The following TLCD4 variants were observed in gnomAD, a reference collection of about 807,000 sequenced individuals.
The protein encoded by TLCD4 is TLC domain-containing protein 4.
In TLCD4, 7 loss-of-function variants were observed where a neutral mutation model predicts 24.2. The ratio of observed to expected loss-of-function variants is 0.29; its 90% confidence interval spans 0.16 to 0.54. The LOEUF is 0.54. Among genes scored for constraint, TLCD4 ranks in the 20% least tolerant of loss-of-function variants. The pLI is 0.95. For missense variants in TLCD4, 259 were observed against 313.9 expected, an observed-to-expected ratio of 0.82 and a Z score of 1.32; for synonymous variants, 103 against 106.4, an observed-to-expected ratio of 0.97 and a Z score of 0.20.
chr1:95,168,485 A>C (rs2225108), intron 5 of TLCD4, among the ~76,000 whole-genome samples: 4 of 148,836 alleles, frequency 2.7e-5, no homozygotes, highest in Non-Finnish European at 4.5e-5. Context: ...ATTCTGTTCC[A>C]CTGATATCTT....
the TLCD4 span, among the ~76,000 whole-genome samples, chr1:95,110,253 C>T: frequency 2.5e-3 from 378 of 151,830 alleles, 3 homozygotes; most frequent in African/African-American, 8.6e-3. Context: ...TTGACTGATA[C>T]TTTCAGCCCC....
chr1:95,190,151 T>C (rs1392760590), intron 6 of TLCD4, among the ~76,000 whole-genome samples: 1 of 151,514 alleles, frequency 6.6e-6, no homozygotes, highest in Non-Finnish European at 1.5e-5. Flanking sequence ...TTGCCTAGGC[T>C]GGAGTGCAAT....
intron 1 of TLCD4, among the ~76,000 whole-genome samples, chr1:95,123,164 A>G (rs552435845): frequency 2.0e-5 from 3 of 152,356 alleles, no homozygotes; most frequent in Admixed American, 6.5e-5. Context: ...GCTCCATTAC[A>G]TGTAAAAATA....
At chr1:95,175,288 T>C (rs1678381327) in intron 6 of TLCD4, among the ~76,000 whole-genome samples, 1 of 152,204 alleles carries the variant, frequency 6.6e-6, no homozygotes, top group Admixed American at 6.5e-5. Context: ...AATGATACAG[T>C]GTTTATCCTT....
chr1:95,127,894 T>C (rs1676782565), intron 1 of TLCD4, among the ~76,000 whole-genome samples: 1 of 152,216 alleles, frequency 6.6e-6, no homozygotes, highest in African/African-American at 2.4e-5. Context: ...GCTGAAGGCA[T>C]TCTGATTTAT....
rs182286843 is a variant in TLCD4, at chr1:95,150,354, T to C, written c.304+88T>C. The C allele has an allele frequency of 5.6e-5, 85 of 1,510,660 alleles. No homozygotes were observed. In the Admixed American group the frequency reaches 9.8e-4, roughly 17 times the overall value. The allele number at this position is 1,510,660 out of a possible 1,614,324, so 93.6% of individuals were successfully genotyped here. ...ATATATAGTCTATGCTTTTGGTTTA[T>C]TTGAGAGATAGCATTTAGGAAGCAT... On this transcript the variant is annotated intron_variant, in intron 4 of 6. Transcript: ENST00000370203.
chr1:95,139,118 T>C (rs113525652), intron 1 of TLCD4, among the ~76,000 whole-genome samples: 12,775 of 139,834 alleles, frequency 0.091, 625 homozygotes, highest in African/African-American at 0.12. Flanking sequence ...GAGGTTATAG[T>C]GAGCTATGAT....
the TLCD4 span, among the ~76,000 whole-genome samples, chr1:95,109,914 T>C: frequency 1.7e-3 from 1 of 578 alleles, no homozygotes; most frequent in African/African-American, 0.02. Context: ...TGTGTATGCA[T>C]ATATATATAT....
rs200337389 is a variant in TLCD4 at position 95,139,455 on chromosome 1, A to ATTTTTTTTTTTTTT, written c.-11-4427_-11-4414dup. Among the ~76,000 whole-genome samples, 70 of 93,978 alleles carry ATTTTTTTTTTTTTT rather than the reference A, an allele frequency of 7.4e-4. 3 individuals carry two copies. The highest frequency in any genetic ancestry group is 1.0e-3 in the Non-Finnish European group (51 of 49,300). The allele number at this position is 93,978 out of a possible 152,430, so 61.7% of individuals were successfully genotyped here. A position where few individuals can be genotyped will look rare whatever the true frequency, so the allele number is the denominator to read the frequency against. The stretch of plus-strand genomic sequence containing the variant: ...ATAAACTTTTTTATTTAAACCTTTG[A>ATTTTTTTTTTTTTT]TTTTTTTTTTTTTTTTTTTTTTGAG... On this transcript the variant is annotated intron_variant, in intron 1 of 6. Coordinates refer to ENST00000370203, the MANE Select transcript of TLCD4 (RefSeq NM_152487.3).
chr1:95,095,544 C>T, the TLCD4 span, among the ~76,000 whole-genome samples: 9 of 151,928 alleles, frequency 5.9e-5, no homozygotes, highest in African/African-American at 2.2e-4. Flanking sequence ...ATTACAGGTG[C>T]CTGCCACCAA....
At chr1:95,139,455 A>ATTTTTTTTTTTTTTTTTT (rs200337389) in intron 1 of TLCD4, among the ~76,000 whole-genome samples, 13 of 93,990 alleles carry the variant, frequency 1.4e-4, no homozygotes, top group East Asian at 2.8e-4. Flanking sequence ...TAAACCTTTG[A>ATTTTTTTTTTTTTTTTTT]TTTTTTTTTT....
chr1:95,154,515 C>A (rs1447336352), intron 5 of TLCD4, among the ~76,000 whole-genome samples: 1 of 152,078 alleles, frequency 6.6e-6, no homozygotes, highest in African/African-American at 2.4e-5. Context: ...AGGCACACAG[C>A]AAGGAAATAA....
At chr1:95,139,913 G>C (rs1571737018) in intron 1 of TLCD4, among the ~76,000 whole-genome samples, 1 of 152,060 alleles carries the variant, frequency 6.6e-6, no homozygotes, top group East Asian at 1.9e-4. Flanking sequence ...CGAAGACTCA[G>C]ACACACACAT....
chr1:95,127,888 A>G lies in TLCD4; in HGVS notation c.-12+10271A>G, dbSNP rs541316847. Among the ~76,000 whole-genome samples the G allele has an allele frequency of 7.2e-5, 11 of 152,324 alleles. No homozygotes were observed. In the East Asian group the frequency reaches 1.9e-3, roughly 27 times the overall value. ...CCCAATTACTATTGTCTCCTGGCTGAAGGCATTCTGATTTATCCAAAATCC... is the reference window on the plus strand; with the variant it reads ...CCCAATTACTATTGTCTCCTGGCTGGAGGCATTCTGATTTATCCAAAATCC... On this transcript the variant is annotated intron_variant, in intron 1 of 6. Transcript: ENST00000370203.
At chr1:95,129,989 G>A (rs529666165) in intron 1 of TLCD4, among the ~76,000 whole-genome samples, 1 of 152,228 alleles carries the variant, frequency 6.6e-6, no homozygotes, top group Admixed American at 6.5e-5. Flanking sequence ...ATCCTCCTAA[G>A]TCTTTTTCCC....
At chr1:95,092,562 C>T in the TLCD4 span, among the ~76,000 whole-genome samples, 1 of 152,204 alleles carries the variant, frequency 6.6e-6, no homozygotes, top group East Asian at 1.9e-4. Flanking sequence ...TGCTACTGCT[C>T]ACTCTTTAGG....
At chr1:95,158,626 T>C (rs1442039811) in intron 5 of TLCD4, among the ~76,000 whole-genome samples, 1 of 151,962 alleles carries the variant, frequency 6.6e-6, no homozygotes, top group Non-Finnish European at 1.5e-5. Flanking sequence ...GTCATTTACA[T>C]TAGGTATATC....
At chr1:95,188,147 G>A (rs957405046) in intron 6 of TLCD4, among the ~76,000 whole-genome samples, 1 of 151,958 alleles carries the variant, frequency 6.6e-6, no homozygotes, top group Non-Finnish European at 1.5e-5. Context: ...CAGCACTTTG[G>A]GAGGCCGAGG....
At chr1:95,107,219 C>T in the TLCD4 span, among the ~76,000 whole-genome samples, 113 of 152,084 alleles carry the variant, frequency 7.4e-4, no homozygotes, top group Non-Finnish European at 1.1e-3. Flanking sequence ...GTCAGGAGAT[C>T]GAGACCATCC....
Sources: gnomAD v4.1 joint callset for allele counts (sites outside exome capture counted in the v4.1 genomes callset) on GRCh38, gnomAD v4.1.1 for gene constraint, MANE v1.5 for transcripts, NCBI Gene and HGNC (gene_info 2026-07-23, HGNC 2026-07-21) for gene names.